ATP9A: variants seen among roughly 807,000 people sequenced by gnomAD.
The protein encoded by ATP9A is ATPase phospholipid transporting 9A, also known as probable phospholipid-transporting ATPase IIA.
ATP9A carries 52 observed loss-of-function variants against 144.1 expected under a neutral mutation model. That is an observed-to-expected ratio of 0.36 (90% CI 0.29 to 0.45). The LOEUF (loss-of-function observed/expected upper bound fraction) is 0.45. Among genes scored for constraint, ATP9A ranks in the 20% least tolerant of loss-of-function variants. The pLI, the probability that ATP9A is intolerant of heterozygous loss-of-function variation, is 1.00. For missense variants in ATP9A, 947 were observed against 1,392.7 expected (o/e 0.68, Z 5.09); for synonymous variants, 582 against 557.4 (o/e 1.04, Z -0.62).
intron 14 of ATP9A, among the ~76,000 whole-genome samples, chr20:51,649,867 C>T (rs2077356555): frequency 6.8e-6 from 1 of 147,664 alleles, no homozygotes; most frequent in African/African-American, 2.5e-5. Flanking sequence ...GAGCCAAGAT[C>T]GTACCACCGC....
intron 1 of ATP9A, among the ~76,000 whole-genome samples, chr20:51,747,092 T>A (rs1480928832): frequency 3.7e-5 from 4 of 108,270 alleles, no homozygotes; most frequent in Admixed American, 1.8e-4. Context: ...AAGGTCTGGG[T>A]TTTTCGTTTT....
chr20:51,737,108 G>A (rs1296257329), intron 1 of ATP9A, among the ~76,000 whole-genome samples: 4 of 152,146 alleles, frequency 2.6e-5, no homozygotes. Flanking sequence ...CTACTAACGG[G>A]TAGAAGCAGG....
At chr20:51,674,064 A>T in intron 11 of ATP9A, 89 bp downstream of exon 11, 16 of 1,424,244 alleles carry the variant, frequency 1.1e-5, no homozygotes, top group Non-Finnish European at 1.5e-5. Context: ...AAACAATAAT[A>T]ATAATAAAAG....
In ATP9A at chr20:51,629,025, C is replaced by T. The variant is rs2077260640; in HGVS notation, c.1716G>A (p.Val572=). 2.0e-5 allele frequency: 32 copies of T among 1,614,186 alleles called. No homozygotes were observed. Among genetic ancestry groups the T allele is most frequent in the Non-Finnish European group, 2.7e-5 (32 of 1,180,002 alleles). ...TGTACTGCACAATGCCAGCCATGACCACATCTGCTCCCTTCATGTAAAACG... is the reference window on the plus strand; with the variant it reads ...TGTACTGCACAATGCCAGCCATGACTACATCTGCTCCCTTCATGTAAAACG... ...EITFYMKGAD[V]VMAGIVQYND... is the part of the protein sequence containing the mutation. The change falls in exon 16 of 28, where the codon GTG becomes GTA. Residue 572 remains valine (V), a synonymous_variant. Transcript: ENST00000338821.
chr20:51,627,080 G>C (rs1193630750), intron 17 of ATP9A, among the ~76,000 whole-genome samples: 2 of 148,684 alleles, frequency 1.3e-5, no homozygotes, highest in Admixed American at 6.7e-5. Context: ...AAAAGAAGAA[G>C]AAGAACAAGA....
intron 4 of ATP9A, among the ~76,000 whole-genome samples, chr20:51,699,551 T>A (rs2077584921): frequency 6.6e-6 from 1 of 152,208 alleles, no homozygotes; most frequent in African/African-American, 2.4e-5. Context: ...GATTTGTTTT[T>A]AACTAATTTT....
intron 3 of ATP9A, among the ~76,000 whole-genome samples, chr20:51,719,910 G>A (rs994061331): frequency 2.0e-5 from 3 of 152,034 alleles, no homozygotes; most frequent in East Asian, 1.9e-4. Context: ...TTAACTGGGC[G>A]TGATGGCACA....
At chr20:51,686,173 A>G (rs1451376818) in intron 9 of ATP9A, among the ~76,000 whole-genome samples, 1 of 152,098 alleles carries the variant, frequency 6.6e-6, no homozygotes, top group East Asian at 1.9e-4. Flanking sequence ...CAGTAAGAAC[A>G]CTTGGACACA....
intron 13 of ATP9A, among the ~76,000 whole-genome samples, chr20:51,658,479 C>T (rs916173313): frequency 4.0e-5 from 6 of 150,212 alleles, no homozygotes; most frequent in Non-Finnish European, 7.4e-5. Flanking sequence ...CCTGCAGCTC[C>T]GTTCCTCTGT....
At position 51,651,255 on chromosome 20, in the gene ATP9A, A is replaced by T. The variant is rs57112978; in HGVS notation, c.1506+5683T>A. 1.8e-3 allele frequency among the ~76,000 whole-genome samples: 137 copies of T among 76,922 alleles called. 3 individuals carry two copies. Among genetic ancestry groups the T allele is most frequent in the South Asian group, 6.0e-3 (11 of 1,824 alleles). The allele number at this position is 76,922 out of a possible 152,430, so 50.5% of individuals were successfully genotyped here. ...TTATTTACATAATATATATTTACAT[A>T]ATATATTATATAATATATATTTACA... On this transcript the variant is annotated intron_variant, in intron 14 of 27. Coordinates refer to ENST00000338821, the MANE Select transcript of ATP9A (RefSeq NM_006045.3).
chr20:51,681,427 CTT>C (rs66579534), intron 9 of ATP9A, among the ~76,000 whole-genome samples: 2 of 131,612 alleles, frequency 1.5e-5, no homozygotes, highest in African/African-American at 2.9e-5. Flanking sequence ...TCCTAAATTT[CTT>C]TTTTTTTTTT....
At chr20:51,608,443 A>G in intron 25 of ATP9A, 75 bp downstream of exon 25, 1 of 961,194 alleles carries the variant, frequency 1.0e-6, no homozygotes, top group South Asian at 1.3e-5. Context: ...TCAAAGAAAA[A>G]AAGCAGGGAG....
At position 51,768,365 on chromosome 20, in the gene ATP9A, G is replaced by C; in HGVS notation, c.5C>G (p.Thr2Arg). 1 of 1,259,268 alleles carries C rather than the reference G, an allele frequency of 7.9e-7. No individual in the cohort carries two copies. The highest frequency in any genetic ancestry group is 1.0e-6 in the Non-Finnish European group (1 of 992,488). 78.0% of individuals were successfully genotyped at this position (1,259,268 alleles called of 1,614,324 possible). A position where few individuals can be genotyped will look rare whatever the true frequency, so the allele number is the denominator to read the frequency against. Residue 2 changes from threonine (T) to arginine (R), a missense_variant, in exon 1 of 28, where the codon ACG becomes AGG. Coordinates refer to ENST00000338821, the MANE Select transcript of ATP9A (RefSeq NM_006045.3). M[T>R]DNIPLQPVRQ... ...CACCGGCTGCAGCGGGATGTTGTCC[G>C]TCATGTCGGCGGCGCCGCCCGCCTT...
intron 15 of ATP9A, among the ~76,000 whole-genome samples, chr20:51,635,732 C>CGGAAGGAAGGAA (rs147846573): frequency 2.2e-5 from 3 of 137,888 alleles, no homozygotes; most frequent in African/African-American, 8.2e-5. Flanking sequence ...GCAAGATGGA[C>CGGAAGGAAGGAA]GGAAGGAAGG....
chr20:51,601,302 A>G lies in ATP9A; in HGVS notation c.3053T>C (p.Val1018Ala). ...GGGGAGGCAGCTGACCAGAGTGATG[A>G]CGGAGACTTTCCACAAGAATGACAA... is the stretch of plus-strand genomic sequence containing the variant. ...ATLSFLWKVS[V>A]ITLVSCLPLY... The change falls in exon 28 of 28, where the codon GTC becomes GCC. Residue 1018 changes from valine (V) to alanine (A), a missense_variant. Physicochemically the swap from Val to Ala is moderately conservative, Grantham distance 64 (BLOSUM62 0). Around this residue, in one of 2 missense-constraint regions of ATP9A, gnomAD observed 177 missense variants for 344.9 expected, o/e 0.51. Coordinates refer to ENST00000338821, the MANE Select transcript of ATP9A (RefSeq NM_006045.3). 2 of 1,613,780 alleles carry G rather than the reference A, an allele frequency of 1.2e-6. No individual in the cohort carries two copies.
chr20:51,760,683 G>A (rs1013054789), intron 1 of ATP9A, among the ~76,000 whole-genome samples: 9 of 141,904 alleles, frequency 6.3e-5, no homozygotes, highest in Admixed American at 4.5e-4. Flanking sequence ...CCAAGATCAC[G>A]CCACTGCACT....
intron 25 of ATP9A, among the ~76,000 whole-genome samples, 199 bp downstream of exon 25, chr20:51,608,319 A>C (rs111355499): frequency 1.3e-5 from 2 of 152,174 alleles, no homozygotes; most frequent in Admixed American, 6.5e-5. Context: ...ATACCAGTGA[A>C]TATATTACTG....
rs552656793 is a variant in ATP9A at position 51,611,044 on chromosome 20, G to C, written c.2572-879C>G. Among the ~76,000 whole-genome samples the C allele has an allele frequency of 2.0e-5, 3 of 152,210 alleles. No homozygotes were observed. The South Asian group carries it at 6.2e-4, about 32-fold the overall frequency. On this transcript the variant is annotated intron_variant, in intron 23 of 27. Transcript: ENST00000338821. The surrounding 1 kb of genome is among the most constrained non-coding windows in gnomAD (Gnocchi z 4.2). ...CTCTATGGGCTAACAGAGGAAACACGGTCTCCAAGCTGATATCCATTCATA... is the reference window on the plus strand; with the variant it reads ...CTCTATGGGCTAACAGAGGAAACACCGTCTCCAAGCTGATATCCATTCATA...
intron 1 of ATP9A, among the ~76,000 whole-genome samples, chr20:51,758,528 C>T (rs1424359467): frequency 6.6e-6 from 1 of 152,182 alleles, no homozygotes; most frequent in Non-Finnish European, 1.5e-5. Flanking sequence ...CTTTTTCCAA[C>T]TTATTGCATG....
Sources: gnomAD v4.1 joint callset for allele counts (sites outside exome capture counted in the v4.1 genomes callset) on GRCh38, gnomAD v4.1.1 for gene constraint, gnomAD v4.1.1 regional missense constraint, Gnocchi (gnomAD v3.1) non-coding constraint, MANE v1.5 for transcripts, NCBI Gene and HGNC (gene_info 2026-07-23, HGNC 2026-07-21) for gene names.